Variants in POTEC observed in about 807,000 individuals in gnomAD.
POTEC encodes the protein POTE ankyrin domain family member C, also known as ANKRD26-like family B member 2.
Under a neutral mutation model 62.0 loss-of-function variants are expected in POTEC, and 35 were observed. The ratio of observed to expected loss-of-function variants is 0.56; its 90% CI spans 0.43 to 0.75. The LOEUF (loss-of-function observed/expected upper bound fraction) is 0.75, where lower values mean the gene tolerates loss of function less well. Ranked by LOEUF, POTEC falls within the 30% of genes least tolerant of loss-of-function variation. The pLI is 0.00. For missense variants in POTEC, 472 were observed against 655.9 expected, an observed-to-expected ratio of 0.72 and a Z score of 3.06; for synonymous variants, 156 against 221.5, an observed-to-expected ratio of 0.70 and a Z score of 2.62.
In POTEC at chr18:14,515,909, C is replaced by A. The variant is rs183756178; in HGVS notation, c.1410-2124G>T. On this transcript the variant is annotated intron_variant, in intron 9 of 10. Coordinates refer to ENST00000358970, the MANE Select transcript of POTEC (RefSeq NM_001137671.2). ...CAAAAGAAGATGTACAAATGGTGAA[C>A]AAGAATATAAAAACATGCTAAATAT... Among the ~76,000 whole-genome samples the A allele has an allele frequency of 6.6e-5, 10 of 151,628 alleles. 1 individual carries two copies. Among genetic ancestry groups the A allele is most frequent in the Non-Finnish European group, 1.5e-5 (1 of 67,942 alleles).
intron 10 of POTEC, 41 bp from the exon 11 acceptor site, chr18:14,512,034 A>C (rs766262730): frequency 5.2e-5 from 72 of 1,394,156 alleles, no homozygotes; most frequent in Non-Finnish European, 6.9e-5. Flanking sequence ...ACTCAATAGA[A>C]TGACATATCA....
chr18:14,540,490 A>T (rs1267904429), intron 1 of POTEC, among the ~76,000 whole-genome samples: 1 of 152,160 alleles, frequency 6.6e-6, no homozygotes, highest in Non-Finnish European at 1.5e-5. Context: ...TATATGTATA[A>T]CAAACTGATT....
chr18:14,543,106 A>G lies in POTEC; in HGVS notation c.41T>C (p.Val14Ala). The G allele has an allele frequency of 6.2e-7, 1 of 1,613,984 alleles. No homozygotes were observed. The highest frequency in any genetic ancestry group is 8.5e-7 in the Non-Finnish European group (1 of 1,179,878). ...EVCSMPAASA[V>A]KKPFDLRSKM... is the part of the protein sequence containing the mutation. Reference sequence around the variant, plus strand: ...GCTCCTGAGATCGAATGGCTTCTTCACAGCAGAGGCAGCGGGCATTGAACA... The same window carrying G: ...GCTCCTGAGATCGAATGGCTTCTTCGCAGCAGAGGCAGCGGGCATTGAACA... Residue 14 changes from valine to alanine, a missense_variant, in exon 1 of 11, where the codon GTG becomes GCG. Val to Ala is a moderately conservative substitution (Grantham distance 64). This residue lies in a region of POTEC where 257 missense variants were observed against 250.7 expected (regional missense o/e 1.03). Coordinates refer to ENST00000358970, the MANE Select transcript of POTEC (RefSeq NM_001137671.2).
chr18:14,518,364 T>C (rs1325981583), intron 9 of POTEC, among the ~76,000 whole-genome samples: 1 of 150,832 alleles, frequency 6.6e-6, no homozygotes, highest in South Asian at 2.1e-4. Context: ...GTGGGAAAGT[T>C]GGGATGGTCA....
chr18:14,541,600 C>T (rs1905934810), intron 1 of POTEC, among the ~76,000 whole-genome samples: 1 of 152,198 alleles, frequency 6.6e-6, no homozygotes, highest in South Asian at 2.1e-4. Context: ...TATTGCACCA[C>T]TGCACTCCAG....
In POTEC at chr18:14,538,011, T is replaced by G. The variant is rs6505912; in HGVS notation, c.637-37A>C. 7 of 1,600,366 alleles carry G rather than the reference T, an allele frequency of 4.4e-6. No homozygotes were observed. The East Asian group carries it at 1.1e-4, about 26-fold the overall frequency. Reference sequence around the variant, plus strand: ...AGACCAAAAACAAATTATTAAGTCCTAGGAATTCAAAATAACATTCCACAG... The same window carrying G: ...AGACCAAAAACAAATTATTAAGTCCGAGGAATTCAAAATAACATTCCACAG... On this transcript the variant is annotated intron_variant, in intron 2 of 10. Coordinates refer to ENST00000358970, the MANE Select transcript of POTEC (RefSeq NM_001137671.2).
Position 14,516,943 on chromosome 18 carries a change from CTACCATA to C in POTEC, c.1410-3165_1410-3159del, listed in dbSNP as rs1269305039. ...AATTTAAAAAGAGAGTAGAGTATCA[CTACCATA>C]TACATACATGAACTGACAAAGAGAC... On this transcript the variant is annotated intron_variant, in intron 9 of 10. Coordinates refer to ENST00000358970, the MANE Select transcript of POTEC (RefSeq NM_001137671.2). Among the ~76,000 whole-genome samples, 6 of 150,956 alleles carry C rather than the reference CTACCATA, an allele frequency of 4.0e-5. No individual in the cohort carries two copies. The East Asian group carries it at 1.2e-3, about 30-fold the overall frequency.
rs148283099 is a variant in POTEC, at chr18:14,537,971, C to T, written c.640G>A (p.Val214Ile). Residue 214 changes from valine to isoleucine, a missense_variant, in exon 3 of 11, where the codon GTA becomes ATA. By Grantham distance (29) the Val-to-Ile change is conservative. This residue lies in a region of POTEC where 13 missense variants were observed against 38.4 expected (regional missense o/e 0.34). Coordinates refer to ENST00000358970, the MANE Select transcript of POTEC (RefSeq NM_001137671.2). ...NKKRTALIKA[V>I]QCQEDECVLM... ...ACACATTCATCTTCCTGGCATTGTA[C>T]GGCCTGTCAGTATTAGACCAAAAAC... The T allele has an allele frequency of 0.074, 119,545 of 1,610,532 alleles. 4,786 individuals carry two copies. The highest frequency in any genetic ancestry group is 0.095 in the African/African-American group (7,043 of 74,432).
Position 14,537,929 on chromosome 18 carries a change from G to T in POTEC, c.682C>A (p.His228Asn), listed in dbSNP as rs780435353. The T allele has an allele frequency of 6.2e-7, 1 of 1,612,614 alleles. No homozygotes were observed. Among genetic ancestry groups the T allele is most frequent in the Admixed American group, 1.7e-5 (1 of 59,998 alleles). ...EDECVLMLLE[H>N]GADQNIPDEY... ...TCTGGAATATTTTGATCAGCGCCAT[G>T]TTCCAGCAACATTAACACACATTCA... The change falls in exon 3 of 11, where the codon CAT (histidine) becomes AAT (asparagine). Residue 228 changes from histidine to asparagine, a missense_variant. Coordinates refer to ENST00000358970, the MANE Select transcript of POTEC (RefSeq NM_001137671.2).
rs1025166782 is a variant in POTEC, at chr18:14,510,161, A to G, written c.*1737T>C. The G allele has an allele frequency of 2.6e-5, 4 of 152,342 alleles. No individual in the cohort carries two copies. Among genetic ancestry groups the G allele is most frequent in the African/African-American group, 9.6e-5 (4 of 41,516 alleles). 9.4% of individuals were successfully genotyped at this position (152,342 alleles called of 1,614,324 possible). ...ATGGAGGGTCTGTGTTGTGGGCCCAAGCCACGGTTCCTTGTCTGGTGATGA... is the reference window on the plus strand; with the variant it reads ...ATGGAGGGTCTGTGTTGTGGGCCCAGGCCACGGTTCCTTGTCTGGTGATGA... On this transcript the variant is annotated 3_prime_UTR_variant, in exon 11 of 11. Coordinates refer to ENST00000358970, the MANE Select transcript of POTEC (RefSeq NM_001137671.2).
chr18:14,532,618 G>C (rs1240923094), intron 5 of POTEC, among the ~76,000 whole-genome samples: 2 of 151,994 alleles, frequency 1.3e-5, no homozygotes, highest in Non-Finnish European at 2.9e-5. Context: ...TTGATAAAAG[G>C]GACTGTCTTC....
intron 9 of POTEC, among the ~76,000 whole-genome samples, chr18:14,514,552 A>G (rs905259175): frequency 3.9e-5 from 6 of 152,258 alleles, no homozygotes; most frequent in African/African-American, 1.4e-4. Context: ...TCCCTTTGGA[A>G]CAAGACAGGG....
Position 14,537,995 on chromosome 18 carries a change from A to G in POTEC, c.637-21T>C, listed in dbSNP as rs566278469. On this transcript the variant is annotated intron_variant, in intron 2 of 10. Coordinates refer to ENST00000358970, the MANE Select transcript of POTEC (RefSeq NM_001137671.2). ...ACGGCCTGTCAGTATTAGACCAAAA[A>G]CAAATTATTAAGTCCTAGGAATTCA... 4.0e-3 allele frequency: 6,474 copies of G among 1,598,538 alleles called. 205 individuals carry two copies. The South Asian group carries it at 0.047, about 12-fold the overall frequency.
rs1245190552 is a variant in POTEC at position 14,508,045 on chromosome 18, G to T, written c.*3853C>A. Reference sequence around the variant, plus strand: ...GAGAATCTGATGATTATGTGTCTTGGGGATGATCTTCTCATGGCATATCTT... The same window carrying T: ...GAGAATCTGATGATTATGTGTCTTGTGGATGATCTTCTCATGGCATATCTT... On this transcript the variant is annotated 3_prime_UTR_variant, in exon 11 of 11. Coordinates refer to ENST00000358970, the MANE Select transcript of POTEC (RefSeq NM_001137671.2). 1 of 151,956 alleles carries T rather than the reference G, an allele frequency of 6.6e-6. No individual in the cohort carries two copies. Among genetic ancestry groups the T allele is most frequent in the African/African-American group, 2.4e-5 (1 of 41,368 alleles). The allele number at this position is 151,956 out of a possible 1,614,324, so 9.4% of individuals were successfully genotyped here.
intron 9 of POTEC, among the ~76,000 whole-genome samples, chr18:14,520,663 G>A (rs949947233): frequency 1.3e-5 from 2 of 151,442 alleles, no homozygotes; most frequent in African/African-American, 4.9e-5. Context: ...CACATGCAGG[G>A]CACTTTTACA....
At chr18:14,536,517 A>C (rs1232926254) in intron 3 of POTEC, among the ~76,000 whole-genome samples, 1 of 151,896 alleles carries the variant, frequency 6.6e-6, no homozygotes, top group African/African-American at 2.4e-5. Context: ...ACAGCCATGC[A>C]CCACCATGCC....
intron 9 of POTEC, among the ~76,000 whole-genome samples, chr18:14,518,945 G>T (rs1309156588): frequency 6.6e-6 from 1 of 152,130 alleles, no homozygotes; most frequent in African/African-American, 2.4e-5. Flanking sequence ...GAAACAATTT[G>T]ACTTATGTTT....
intron 9 of POTEC, 76 bp downstream of exon 9, chr18:14,522,178 T>C (rs1008189081): frequency 1.9e-6 from 3 of 1,596,568 alleles, no homozygotes; most frequent in Admixed American, 1.8e-5. Context: ...AATTTGTTCA[T>C]CATGAATATT....
In POTEC at chr18:14,543,013, G is replaced by C. The variant is rs762547258; in HGVS notation, c.134C>G (p.Thr45Ser). The C allele has an allele frequency of 1.7e-5, 28 of 1,613,446 alleles. 1 individual carries two copies. The highest frequency in any genetic ancestry group is 3.3e-4 in the Middle Eastern group (2 of 6,082). ...CKGSGKSNMG[T>S]SGDHDDSFMK... The stretch of plus-strand genomic sequence containing the variant: ...AAAGGAGTCGTCGTGGTCTCCAGAA[G>C]TGCCCATGTTGCTCTTGCCGCTCCC... The change falls in exon 1 of 11, where the codon ACT becomes AGT. Residue 45 changes from threonine to serine, a missense_variant. Around this residue, in one of 5 missense-constraint regions of POTEC, gnomAD observed 257 missense variants for 250.7 expected, o/e 1.03. Transcript: ENST00000358970.
Sources: gnomAD v4.1 joint callset for allele counts (sites outside exome capture counted in the v4.1 genomes callset) on GRCh38, gnomAD v4.1.1 for gene constraint, gnomAD v4.1.1 regional missense constraint, MANE v1.5 for transcripts, NCBI Gene and HGNC (gene_info 2026-07-23, HGNC 2026-07-21) for gene names.